The following KCNK9 variants were observed in gnomAD, a reference collection of about 807,000 sequenced individuals.
KCNK9 encodes the protein potassium two pore domain channel subfamily K member 9, also known as potassium channel subfamily K member 9.
A neutral mutation model predicts 10.8 loss-of-function variants in KCNK9; 1 was observed. The observed-to-expected ratio is 0.09, with a 90% CI of 0.03 to 0.44. KCNK9 has a LOEUF of 0.44. Among genes scored for constraint, KCNK9 ranks in the 20% least tolerant of loss-of-function variants. KCNK9 has a pLI of 0.97. For missense variants in KCNK9, 303 were observed against 515.0 expected (o/e 0.59, Z 3.98); for synonymous variants, 231 against 222.7 (o/e 1.04, Z -0.33).
At chr8:139,669,608 C>A (rs1052181796) in intron 1 of KCNK9, among the ~76,000 whole-genome samples, 4 of 152,202 alleles carry the variant, frequency 2.6e-5, no homozygotes. Flanking sequence ...AATTCTAGTT[C>A]TCTTGCTATT....
intron 1 of KCNK9, among the ~76,000 whole-genome samples, chr8:139,657,546 G>A (rs1171743853): frequency 1.3e-5 from 2 of 152,064 alleles, no homozygotes; most frequent in Admixed American, 6.5e-5. Flanking sequence ...CTGGCTCCCT[G>A]AACTAAAACC....
At chr8:139,613,324 G>T (rs1405231873), downstream of KCNK9, among the ~76,000 whole-genome samples, 1 of 152,104 alleles carries the variant, frequency 6.6e-6, no homozygotes, top group East Asian at 1.9e-4. Context: ...GTCAGTGTGG[G>T]GGACCGTGGT....
chr8:139,685,054 A>G (rs1218831305), intron 1 of KCNK9, among the ~76,000 whole-genome samples: 1 of 152,232 alleles, frequency 6.6e-6, no homozygotes, highest in African/African-American at 2.4e-5. Context: ...AAAGGATTTG[A>G]GTAACATAAC....
At chr8:139,663,303 CAGGTCAGCGCG>C (rs2129711905) in intron 1 of KCNK9, among the ~76,000 whole-genome samples, 1 of 152,204 alleles carries the variant, frequency 6.6e-6, no homozygotes, top group African/African-American at 2.4e-5. Flanking sequence ...AAAAGGAAGA[CAGGTCAGCGCG>C]AGGCCAACAC....
chr8:139,685,389 C>T (rs942026555), intron 1 of KCNK9, among the ~76,000 whole-genome samples: 5 of 152,136 alleles, frequency 3.3e-5, no homozygotes, highest in South Asian at 2.1e-4. Context: ...CCCATCAACT[C>T]GTCGTTTACA....
intron 1 of KCNK9, among the ~76,000 whole-genome samples, chr8:139,663,312 G>T (rs1337070694): frequency 6.6e-6 from 1 of 152,064 alleles, no homozygotes; most frequent in Non-Finnish European, 1.5e-5. Context: ...ACAGGTCAGC[G>T]CGAGGCCAAC....
intron 1 of KCNK9, among the ~76,000 whole-genome samples, chr8:139,637,827 A>C (rs142088913): frequency 2.5e-4 from 35 of 142,794 alleles, no homozygotes; most frequent in Non-Finnish European, 4.5e-4. Flanking sequence ...GGAGGTGATG[A>C]ATATGTCTAA....
intron 1 of KCNK9, among the ~76,000 whole-genome samples, chr8:139,660,357 C>T (rs1042968543): frequency 6.6e-6 from 1 of 151,906 alleles, no homozygotes; most frequent in Non-Finnish European, 1.5e-5. Context: ...GTAGTCCCAG[C>T]ACTTTGGGAG....
intron 1 of KCNK9, among the ~76,000 whole-genome samples, chr8:139,633,549 G>A (rs1301225455): frequency 6.6e-6 from 1 of 152,108 alleles, no homozygotes; most frequent in Non-Finnish European, 1.5e-5. Flanking sequence ...CTGCAGGCAC[G>A]CATGCACACA....
intron 1 of KCNK9, among the ~76,000 whole-genome samples, chr8:139,691,715 G>T (rs1396475240): frequency 6.6e-6 from 1 of 152,208 alleles, no homozygotes. Context: ...CCTTCAGTCT[G>T]TGGAAACTCA....
chr8:139,663,143 G>T (rs1816206707), intron 1 of KCNK9, among the ~76,000 whole-genome samples: 1 of 152,076 alleles, frequency 6.6e-6, no homozygotes, highest in Non-Finnish European at 1.5e-5. Flanking sequence ...CCCACCCAGA[G>T]CCTCTGCTGA....
chr8:139,676,644 C>T (rs905774492), intron 1 of KCNK9, among the ~76,000 whole-genome samples: 15 of 152,134 alleles, frequency 9.9e-5, no homozygotes, highest in African/African-American at 3.1e-4. Context: ...CTTCACGACA[C>T]GGAGGCACAA....
In KCNK9 at chr8:139,703,089, TCCGCCG is replaced by T. The variant is rs961880645; in HGVS notation, c.-103_-98del. On this transcript the variant is annotated 5_prime_UTR_variant, in exon 1 of 2. Coordinates refer to ENST00000520439, the MANE Select transcript of KCNK9 (RefSeq NM_001282534.2). This position sits in a 1 kb window ranked among gnomAD's most constrained non-coding sequence, Gnocchi z 6.4. ...CCCGGCGGCCGCCGCCGCCTCCTCC[TCCGCCG>T]CCGCCGCCGCCGCCTCCAAGTTGTA... The T allele has an allele frequency of 5.6e-6, 6 of 1,071,690 alleles. No homozygotes were observed. Among genetic ancestry groups the T allele is most frequent in the Non-Finnish European group, 7.1e-6 (6 of 850,882 alleles). The allele number at this position is 1,071,690 out of a possible 1,614,324, so 66.4% of individuals were successfully genotyped here.
At chr8:139,685,172 CAAAGAA>C (rs1279768738) in intron 1 of KCNK9, among the ~76,000 whole-genome samples, 2 of 152,028 alleles carry the variant, frequency 1.3e-5, no homozygotes, top group African/African-American at 4.8e-5. Context: ...CATTGCACTA[CAAAGAA>C]AAAGTCCTGT....
intron 1 of KCNK9, among the ~76,000 whole-genome samples, chr8:139,691,239 C>A (rs546448094): frequency 6.6e-6 from 1 of 152,322 alleles, no homozygotes; most frequent in South Asian, 2.1e-4. Context: ...AAGTGTCCTG[C>A]AGATCCCCCT....
At chr8:139,653,884 G>C (rs1405564300) in intron 1 of KCNK9, among the ~76,000 whole-genome samples, 1 of 152,194 alleles carries the variant, frequency 6.6e-6, no homozygotes, top group African/African-American at 2.4e-5. Flanking sequence ...GGTAGCCAGG[G>C]ACCTCACCAA....
At chr8:139,664,823 C>T (rs1816258172) in intron 1 of KCNK9, among the ~76,000 whole-genome samples, 1 of 152,218 alleles carries the variant, frequency 6.6e-6, no homozygotes, top group Admixed American at 6.5e-5. Context: ...CTCCTCCAGC[C>T]ATTGCAGAGG....
chr8:139,689,643 ATTTT>A (rs35831003), intron 1 of KCNK9, among the ~76,000 whole-genome samples: 1 of 134,124 alleles, frequency 7.5e-6, no homozygotes, highest in Non-Finnish European at 1.6e-5. Flanking sequence ...CTTTGCCATC[ATTTT>A]TTTTTTTTTT....
At chr8:139,621,070 G>A (rs562641128) in intron 1 of KCNK9, among the ~76,000 whole-genome samples, 149 of 152,200 alleles carry the variant, frequency 9.8e-4, no homozygotes, top group Non-Finnish European at 1.7e-3. Flanking sequence ...ATCACTTGAG[G>A]CCAGGAGTTT....
Sources: allele counts gnomAD v4.1 joint callset (sites outside exome capture counted in the v4.1 genomes callset), GRCh38; gene constraint gnomAD v4.1.1; non-coding constraint Gnocchi (gnomAD v3.1); transcripts MANE v1.5; gene names NCBI Gene and HGNC (gene_info 2026-07-23, HGNC 2026-07-21).